FAM169A: variants seen among roughly 807,000 people sequenced by gnomAD.
The protein encoded by FAM169A is family with sequence similarity 169 member A, also known as soluble lamin-associated protein of 75 kDa.
Under a neutral mutation model 75.7 loss-of-function variants are expected in FAM169A, and 24 were observed. That is an observed-to-expected ratio of 0.32 (90% CI 0.23 to 0.45). The LOEUF (loss-of-function observed/expected upper bound fraction) is 0.45, where lower values mean the gene tolerates loss of function less well. FAM169A is among the 20% of genes least tolerant of loss of function. The pLI, the probability that FAM169A is intolerant of heterozygous loss-of-function variation, is 1.00. For synonymous variants in FAM169A, 271 were observed against 271.0 expected, an observed-to-expected ratio of 1.00 and a Z score of 0.00; for missense variants, 673 against 784.0, an observed-to-expected ratio of 0.86 and a Z score of 1.69.
At chr5:74,828,764 T>C (rs1748163327) in intron 5 of FAM169A, among the ~76,000 whole-genome samples, 2 of 152,344 alleles carry the variant, frequency 1.3e-5, no homozygotes, top group South Asian at 4.1e-4. Context: ...TGTTACACTC[T>C]CCTCTTACTC....
Position 74,780,570 on chromosome 5 carries a change from A to G in FAM169A, c.*890T>C, listed in dbSNP as rs1034687332. 1.3e-5 allele frequency: 2 copies of G among 152,220 alleles called. No individual in the cohort carries two copies. Among genetic ancestry groups the G allele is most frequent in the African/African-American group, 4.8e-5 (2 of 41,464 alleles). 9.4% of individuals were successfully genotyped at this position (152,220 alleles called of 1,614,324 possible). ...ATGTTAACTGGGTTGGGATAAAAGT[A>G]AAATCTCCAGCTTAATTTATCTATC... On this transcript the variant is annotated 3_prime_UTR_variant, in exon 13 of 13. Coordinates refer to ENST00000687041, the MANE Select transcript of FAM169A (RefSeq NM_001376049.1).
intron 8 of FAM169A, 62 bp from the exon 9 acceptor site, chr5:74,801,691 T>C (rs1190803294): frequency 7.3e-6 from 9 of 1,237,500 alleles, no homozygotes; most frequent in Non-Finnish European, 9.3e-6. Flanking sequence ...ATGGATCTAT[T>C]TCACTTATAG....
chr5:74,850,573 C>G (rs1018401161), intron 1 of FAM169A, among the ~76,000 whole-genome samples: 1 of 152,134 alleles, frequency 6.6e-6, no homozygotes, highest in Admixed American at 6.5e-5. Context: ...ATTCTTGAGC[C>G]AAACTAACAG....
chr5:74,801,601 C>T lies in FAM169A; in HGVS notation c.941G>A (p.Ser314Asn), dbSNP rs190837101. 3.1e-6 allele frequency: 5 copies of T among 1,608,554 alleles called. No individual in the cohort carries two copies. In the Admixed American group the frequency reaches 6.8e-5, roughly 22 times the overall value. The change falls in exon 9 of 13, where the codon AGC becomes AAC. Residue 314 changes from serine to asparagine, a missense_variant. Ser to Asn is a conservative substitution (Grantham distance 46). Coordinates refer to ENST00000687041, the MANE Select transcript of FAM169A (RefSeq NM_001376049.1). ...GTTGAATTTCTTACCTTCGGAAGTG[C>T]TTGCAAAGGCATCTTTTAGAGAATC... The part of the protein sequence containing the change: ...TIDSLKDAFA[S>N]TSEGHDKTSV...
chr5:74,802,871 T>G (rs1746661243), intron 8 of FAM169A, among the ~76,000 whole-genome samples: 1 of 151,852 alleles, frequency 6.6e-6, no homozygotes, highest in Non-Finnish European at 1.5e-5. Context: ...GGTTAAAATG[T>G]AGATAAAGAT....
At chr5:74,809,310 C>T (rs1020378969) in intron 6 of FAM169A, among the ~76,000 whole-genome samples, 3 of 152,068 alleles carry the variant, frequency 2.0e-5, no homozygotes, top group Non-Finnish European at 4.4e-5. Context: ...GAACTCATAA[C>T]TCGGCCAGGT....
At chr5:74,822,150 A>G (rs1332973805) in intron 5 of FAM169A, among the ~76,000 whole-genome samples, 1 of 152,194 alleles carries the variant, frequency 6.6e-6, no homozygotes, top group African/African-American at 2.4e-5. Flanking sequence ...CAGGCTACAC[A>G]AGGATGTAAA....
At chr5:74,828,891 A>G (rs1748170123) in intron 5 of FAM169A, among the ~76,000 whole-genome samples, 1 of 152,148 alleles carries the variant, frequency 6.6e-6, no homozygotes, top group Non-Finnish European at 1.5e-5. Context: ...TAACCAAAGC[A>G]TTAGCACTAT....
chr5:74,839,170 C>CCTG, intron 3 of FAM169A, 120 bp from the exon 4 acceptor site: 1 of 693,946 alleles, frequency 1.4e-6, no homozygotes, highest in Non-Finnish European at 2.5e-6. Context: ...CTATATAAAC[C>CCTG]TTACCAAATA....
At chr5:74,795,948 T>C (rs1746249735) in intron 11 of FAM169A, 82 bp downstream of exon 11, 1 of 1,421,892 alleles carries the variant, frequency 7.0e-7, no homozygotes, top group Non-Finnish European at 9.7e-7. Context: ...AATATATCGC[T>C]ATACTTTTCT....
rs961484394 is a variant in FAM169A, at chr5:74,834,362, A to G, written c.490+64T>C. 38 of 945,656 alleles carry G rather than the reference A, an allele frequency of 4.0e-5. No homozygotes were observed. The African/African-American group carries it at 5.0e-4, about 12-fold the overall frequency. The allele number at this position is 945,656 out of a possible 1,614,324, so 58.6% of individuals were successfully genotyped here. A position where few individuals can be genotyped will look rare whatever the true frequency, so the allele number is the denominator to read the frequency against. On this transcript the variant is annotated intron_variant, in intron 5 of 12. Coordinates refer to ENST00000687041, the MANE Select transcript of FAM169A (RefSeq NM_001376049.1). ...ATTAATTTAACAGAGATATTGATAC[A>G]GTTGGAGGGGTCTAAAATAGAGATT... is the stretch of plus-strand genomic sequence containing the variant.
At chr5:74,847,832 T>G (rs772832684) in intron 1 of FAM169A, among the ~76,000 whole-genome samples, 1 of 152,228 alleles carries the variant, frequency 6.6e-6, no homozygotes, top group Non-Finnish European at 1.5e-5. Flanking sequence ...GGCTTATTTT[T>G]ATTACTGTCA....
chr5:74,789,261 T>A (rs1372794483), intron 11 of FAM169A, among the ~76,000 whole-genome samples: 1 of 152,154 alleles, frequency 6.6e-6, no homozygotes, highest in African/African-American at 2.4e-5. Context: ...TGATGAGACA[T>A]TTGCATGCCA....
intron 1 of FAM169A, among the ~76,000 whole-genome samples, chr5:74,853,335 T>C (rs1333574558): frequency 1.3e-5 from 2 of 152,216 alleles, no homozygotes; most frequent in East Asian, 3.8e-4. Flanking sequence ...CGCATTGTGT[T>C]GAAACACTCT....
At chr5:74,857,571 G>GAAAAAAAAAAAAAAAAAAAAAAA (rs1561328873) in intron 1 of FAM169A, among the ~76,000 whole-genome samples, 1 of 65,746 alleles carries the variant, frequency 1.5e-5, no homozygotes, top group African/African-American at 6.3e-5. Context: ...CCTTGCCGCG[G>GAAAAAAAAAAAAAAAAAAAAAAA]GAAAAAAAAA....
chr5:74,783,552 T>C (rs1330075142), intron 11 of FAM169A, among the ~76,000 whole-genome samples: 1 of 152,190 alleles, frequency 6.6e-6, no homozygotes, highest in Non-Finnish European at 1.5e-5. Context: ...CTGTTCAGCA[T>C]CTGGAATCTA....
At chr5:74,852,876 C>T (rs183356381) in intron 1 of FAM169A, among the ~76,000 whole-genome samples, 23 of 152,238 alleles carry the variant, frequency 1.5e-4, no homozygotes, top group Admixed American at 1.4e-3. Flanking sequence ...CTGACAGCTA[C>T]ATATAGGTTG....
intron 1 of FAM169A, among the ~76,000 whole-genome samples, chr5:74,849,673 C>T (rs947877710): frequency 2.0e-5 from 3 of 151,524 alleles, no homozygotes; most frequent in Non-Finnish European, 4.4e-5. Flanking sequence ...TGTTTTCTAA[C>T]ATCATTTCCT....
chr5:74,842,552 G>A (rs1255781848), intron 1 of FAM169A, among the ~76,000 whole-genome samples: 4 of 119,200 alleles, frequency 3.4e-5, no homozygotes, highest in Non-Finnish European at 5.0e-5. Flanking sequence ...TTTTTTTTGA[G>A]ATAGAGTTTT....
Sources: allele counts gnomAD v4.1 joint callset (sites outside exome capture counted in the v4.1 genomes callset), GRCh38; gene constraint gnomAD v4.1.1; transcripts MANE v1.5; gene names NCBI Gene and HGNC (gene_info 2026-07-23, HGNC 2026-07-21).